EMP1: variants seen among roughly 807,000 people sequenced by gnomAD.
EMP1 encodes the protein epithelial membrane protein 1, also known as tumor-associated membrane protein.
EMP1 carries 5 observed loss-of-function variants against 15.7 expected under a neutral mutation model. The observed-to-expected ratio is 0.32, with a 90% CI of 0.17 to 0.67. The LOEUF (loss-of-function observed/expected upper bound fraction) is 0.67, where lower values mean the gene tolerates loss of function less well. Among genes scored for constraint, EMP1 ranks in the 30% least tolerant of loss-of-function variants. The pLI is 0.74. For synonymous variants in EMP1, 78 were observed against 76.7 expected, an observed-to-expected ratio of 1.02 and a Z score of -0.09; for missense variants, 166 against 194.2, an observed-to-expected ratio of 0.85 and a Z score of 0.86.
intron 1 of EMP1, among the ~76,000 whole-genome samples, chr12:13,210,437 A>G (rs1311310556): frequency 6.6e-6 from 1 of 152,134 alleles, no homozygotes; most frequent in African/African-American, 2.4e-5. Flanking sequence ...AGCCTCCCCC[A>G]TGTGTATCCT....
At chr12:13,213,316 T>G (rs1395901152) in intron 2 of EMP1, 163 bp from the exon 3 acceptor site, 1 of 666,270 alleles carries the variant, frequency 1.5e-6, no homozygotes, top group Non-Finnish European at 2.6e-6. Context: ...ACTTCAGTTT[T>G]AATCGGACCT....
intron 1 of EMP1, among the ~76,000 whole-genome samples, chr12:13,210,369 T>G (rs976908237): frequency 8.5e-5 from 13 of 152,220 alleles, no homozygotes; most frequent in African/African-American, 2.9e-4. Context: ...CCTGCACTGC[T>G]TTGTGACAGT....
Position 13,211,394 on chromosome 12 carries a change from C to T in EMP1, c.-42-75C>T. On this transcript the variant is annotated intron_variant, in intron 1 of 4. Coordinates refer to ENST00000256951, the MANE Select transcript of EMP1 (RefSeq NM_001423.3). The surrounding 1 kb of genome is among the most constrained non-coding windows in gnomAD (Gnocchi z 4.7). Reference sequence around the variant, plus strand: ...CTCTTCCTCATGTTAGCAGATAGCCCACACGTGTGGGAAAGCTGAGTCGTC... The same window carrying T: ...CTCTTCCTCATGTTAGCAGATAGCCTACACGTGTGGGAAAGCTGAGTCGTC... The T allele has an allele frequency of 3.1e-6, 3 of 977,558 alleles. No homozygotes were observed. The highest frequency in any genetic ancestry group is 4.8e-6 in the Non-Finnish European group (3 of 622,044). 60.6% of individuals were successfully genotyped at this position (977,558 alleles called of 1,614,324 possible). A position where few individuals can be genotyped will look rare whatever the true frequency, so the allele number is the denominator to read the frequency against.
At chr12:13,214,219 C>A in intron 4 of EMP1, 1 of 595,584 alleles carries the variant, frequency 1.7e-6, no homozygotes, top group Non-Finnish European at 3.0e-6. Context: ...TGCTCTTTTG[C>A]ATCCCTGAGT....
At position 13,216,545 on chromosome 12, in the gene EMP1, C is replaced by A. The variant is rs1052370366; in HGVS notation, c.*1854C>A. On this transcript the variant is annotated 3_prime_UTR_variant, in exon 5 of 5. Transcript: ENST00000256951. The stretch of plus-strand genomic sequence containing the variant: ...CAGACATATCCAAAGGGAATACTCA[C>A]ATTTTGTTAAGAAGTTGAACTATGA... 10 of 677,770 alleles carry A rather than the reference C, an allele frequency of 1.5e-5. No homozygotes were observed. Among genetic ancestry groups the A allele is most frequent in the Non-Finnish European group, 2.4e-5 (9 of 372,362 alleles). The allele number at this position is 677,770 out of a possible 1,614,324, so 42.0% of individuals were successfully genotyped here.
chr12:13,207,769 G>A lies in EMP1; in HGVS notation c.-42-3700G>A, dbSNP rs1362467454. Among the ~76,000 whole-genome samples, 8 of 152,172 alleles carry A rather than the reference G, an allele frequency of 5.3e-5. No homozygotes were observed. The East Asian group carries it at 1.5e-3, about 29-fold the overall frequency. ...GAGATCATCCTCCACTCACAGTGGT[G>A]GGTACAGAAATGTGTTCCTGGCATC... On this transcript the variant is annotated intron_variant, in intron 1 of 4. Transcript: ENST00000256951.
In EMP1 at chr12:13,218,684, C is replaced by CA. The variant is rs1242069481; in HGVS notation, c.*3994dup. ...CGTGGCTTTGTTTCTGAAAGGGAGA[C>CA]ATGTGAAGCCTACTCCTGAGGCGGG... is the stretch of plus-strand genomic sequence containing the variant. On this transcript the variant is annotated 3_prime_UTR_variant, in exon 5 of 5. Coordinates refer to ENST00000256951, the MANE Select transcript of EMP1 (RefSeq NM_001423.3). The CA allele has an allele frequency of 1.1e-4, 16 of 152,194 alleles. 1 individual carries two copies. Among genetic ancestry groups the CA allele is most frequent in the Admixed American group, 1.0e-3 (16 of 15,272 alleles). 9.4% of individuals were successfully genotyped at this position (152,194 alleles called of 1,614,324 possible).
At chr12:13,197,664 A>C (rs1050259966) in intron 1 of EMP1, among the ~76,000 whole-genome samples, 9 of 152,142 alleles carry the variant, frequency 5.9e-5, no homozygotes, top group Non-Finnish European at 1.3e-4. Flanking sequence ...AATTCTAGCT[A>C]CTTGGTAGGC....
At position 13,219,299 on chromosome 12, in the gene EMP1, T is replaced by A. The variant is rs190422205; in HGVS notation, c.*4608T>A. 7.2e-5 allele frequency: 11 copies of A among 152,360 alleles called. No homozygotes were observed. The East Asian group carries it at 1.5e-3, about 21-fold the overall frequency. The allele number at this position is 152,360 out of a possible 1,614,324, so 9.4% of individuals were successfully genotyped here. A position where few individuals can be genotyped will look rare whatever the true frequency, so the allele number is the denominator to read the frequency against. ...ACTCAAGCTTCTGGTTAACTGCTGATCTATTGGCAACTCCAGTTCCCAATA... is the reference window on the plus strand; with the variant it reads ...ACTCAAGCTTCTGGTTAACTGCTGAACTATTGGCAACTCCAGTTCCCAATA... On this transcript the variant is annotated 3_prime_UTR_variant, in exon 5 of 5. Transcript: ENST00000256951.
rs1209930437 is a variant in EMP1, at chr12:13,212,607, T to C, written c.79-872T>C. Reference sequence around the variant, plus strand: ...ATAAATCTGATAAGCTTCTTCAAAGTGTATTAATGAGCGCCAAAGCGCTGC... The same window carrying C: ...ATAAATCTGATAAGCTTCTTCAAAGCGTATTAATGAGCGCCAAAGCGCTGC... On this transcript the variant is annotated intron_variant, in intron 2 of 4. Coordinates refer to ENST00000256951, the MANE Select transcript of EMP1 (RefSeq NM_001423.3). Among the ~76,000 whole-genome samples, 5 of 152,224 alleles carry C rather than the reference T, an allele frequency of 3.3e-5. 1 individual carries two copies. Among genetic ancestry groups the C allele is most frequent in the African/African-American group, 1.2e-4 (5 of 41,458 alleles).
chr12:13,197,344 G>C (rs913121567), intron 1 of EMP1, among the ~76,000 whole-genome samples: 3 of 152,180 alleles, frequency 2.0e-5, no homozygotes, highest in Non-Finnish European at 4.4e-5. Context: ...TTTTTTGGGT[G>C]GTGGTGGATA....
chr12:13,212,110 C>A (rs936982132), intron 2 of EMP1, among the ~76,000 whole-genome samples: 3 of 152,080 alleles, frequency 2.0e-5, no homozygotes, highest in Admixed American at 6.5e-5. Context: ...GAAGAGGATG[C>A]CAGACTGACA....
Position 13,211,671 on chromosome 12 carries a change from C to T in EMP1, c.78+83C>T, listed in dbSNP as rs2121159629. 8 of 1,487,298 alleles carry T rather than the reference C, an allele frequency of 5.4e-6. No homozygotes were observed. The highest frequency in any genetic ancestry group is 7.5e-6 in the Non-Finnish European group (8 of 1,070,876). The allele number at this position is 1,487,298 out of a possible 1,614,324, so 92.1% of individuals were successfully genotyped here. ...AAGTGCACAAAAGAAGTTTAAGCCA[C>T]AGCCCTTGCCCTTCATGAACTTACA... On this transcript the variant is annotated intron_variant, in intron 2 of 4. Coordinates refer to ENST00000256951, the MANE Select transcript of EMP1 (RefSeq NM_001423.3). The surrounding 1 kb of genome is among the most constrained non-coding windows in gnomAD (Gnocchi z 4.7).
At chr12:13,205,793 T>C (rs1487635685) in intron 1 of EMP1, among the ~76,000 whole-genome samples, 5 of 152,090 alleles carry the variant, frequency 3.3e-5, no homozygotes, top group Non-Finnish European at 5.9e-5. Context: ...TTAGAAGAGG[T>C]AGGATTTTAG....
intron 1 of EMP1, among the ~76,000 whole-genome samples, chr12:13,202,796 T>G (rs1409875757): frequency 4.6e-5 from 7 of 152,060 alleles, no homozygotes. Flanking sequence ...ACTCTCTGAT[T>G]AACTCAGAGA....
chr12:13,198,958 TG>T lies in EMP1; in HGVS notation c.-43+2087del, dbSNP rs746050853. On this transcript the variant is annotated intron_variant, in intron 1 of 4. Transcript: ENST00000256951. ...TGAGGGTTATTTTTCCCCCCCACTC[TG>T]CCCGCTGCCTCCCACCCTCAGGGGC... Among the ~76,000 whole-genome samples the T allele has an allele frequency of 4.0e-5, 6 of 149,290 alleles. No homozygotes were observed. In the South Asian group the frequency reaches 1.1e-3, roughly 27 times the overall value.
At position 13,214,757 on chromosome 12, in the gene EMP1, T is replaced by A; in HGVS notation, c.*66T>A. The A allele has an allele frequency of 1.7e-6, 2 of 1,200,582 alleles. No individual in the cohort carries two copies. The highest frequency in any genetic ancestry group is 2.1e-6 in the Non-Finnish European group (2 of 931,920). 74.4% of individuals were successfully genotyped at this position (1,200,582 alleles called of 1,614,324 possible). A position where few individuals can be genotyped will look rare whatever the true frequency, so the allele number is the denominator to read the frequency against. ...GAAGCCGTTGAATCTGGGAGGGAAG[T>A]GGAGGTTGCTGTACAGGAAAAACCG... On this transcript the variant is annotated 3_prime_UTR_variant, in exon 5 of 5. Coordinates refer to ENST00000256951, the MANE Select transcript of EMP1 (RefSeq NM_001423.3).
chr12:13,203,878 G>A (rs1430332669), intron 1 of EMP1, among the ~76,000 whole-genome samples: 2 of 152,116 alleles, frequency 1.3e-5, no homozygotes, highest in Non-Finnish European at 2.9e-5. Context: ...TCTCCAATAG[G>A]TTCTCTCTCT....
rs1344318818 is a variant in EMP1, at chr12:13,213,500, G to A, written c.100G>A (p.Val34Ile). ...TCAGGTCTGGTTGGTTTCCAATACG[G>A]TAGATGCATCAGTAGGTCTTTGGAA... Reference protein sequence around the residue: ...IANVWLVSNTVDASVGLWKNC... With the variant: ...IANVWLVSNTIDASVGLWKNC... Residue 34 changes from valine to isoleucine, a missense_variant, in exon 3 of 5, where the codon GTA becomes ATA. Transcript: ENST00000256951. 1.2e-6 allele frequency: 2 copies of A among 1,614,144 alleles called. No homozygotes were observed. Among genetic ancestry groups the A allele is most frequent in the Non-Finnish European group, 8.5e-7 (1 of 1,180,022 alleles).
Sources: allele counts gnomAD v4.1 joint callset (sites outside exome capture counted in the v4.1 genomes callset), GRCh38; gene constraint gnomAD v4.1.1; non-coding constraint Gnocchi (gnomAD v3.1); transcripts MANE v1.5; gene names NCBI Gene and HGNC (gene_info 2026-07-23, HGNC 2026-07-21).